Variants in JMJD1C observed in about 807,000 individuals in gnomAD.
JMJD1C encodes the protein jumonji domain-containing protein 1C.
A neutral mutation model predicts 245.3 loss-of-function variants in JMJD1C; 31 were observed. That is an observed-to-expected ratio of 0.13 (90% CI 0.09 to 0.17). The LOEUF (loss-of-function observed/expected upper bound fraction) is 0.17. Among genes scored for constraint, JMJD1C ranks in the 10% least tolerant of loss-of-function variants. JMJD1C has a pLI of 1.00. For missense variants in JMJD1C, 2,691 were observed against 3,000.2 expected, an observed-to-expected ratio of 0.90 and a Z score of 2.41; for synonymous variants, 1,057 against 1,017.4, an observed-to-expected ratio of 1.04 and a Z score of -0.74.
intron 1 of JMJD1C, 46 bp downstream of exon 1, chr10:63,465,449 C>A (rs971443270): frequency 5.2e-6 from 8 of 1,525,238 alleles, no homozygotes; most frequent in South Asian, 1.2e-5. Flanking sequence ...CTGCGAGAGC[C>A]GGGTGCGGGC....
At chr10:63,519,194 G>A (rs1215398711) in intron 1 of JMJD1C, among the ~76,000 whole-genome samples, 2 of 152,156 alleles carry the variant, frequency 1.3e-5, no homozygotes, top group African/African-American at 4.8e-5. Flanking sequence ...GATATAATAA[G>A]CATACAAAAT....
intron 3 of JMJD1C, among the ~76,000 whole-genome samples, chr10:63,251,218 T>C (rs957863398): frequency 3.9e-5 from 6 of 152,174 alleles, no homozygotes; most frequent in South Asian, 4.1e-4. Context: ...ATTCCATAAA[T>C]GGCAAATGGG....
intron 3 of JMJD1C, among the ~76,000 whole-genome samples, chr10:63,254,247 A>G (rs1290158616): frequency 6.6e-6 from 1 of 152,238 alleles, no homozygotes; most frequent in Non-Finnish European, 1.5e-5. Flanking sequence ...GCTGAAAAAA[A>G]AGAGACTAGA....
In JMJD1C at chr10:63,200,681, TA is replaced by T. The variant is rs779803861; in HGVS notation, c.5075-5del. The T allele has an allele frequency of 3.1e-6, 5 of 1,613,290 alleles. No individual in the cohort carries two copies. In the Admixed American group the frequency reaches 8.3e-5, roughly 27 times the overall value. ...AATACTGAACGAGGAATGCCAGCTG[TA>T]AAATCAGTAGGAAAGTTTTAGCAAG... is the stretch of plus-strand genomic sequence containing the variant. On this transcript the variant is annotated splice_polypyrimidine_tract_variant and splice_region_variant and intron_variant, in intron 10 of 25. Coordinates refer to ENST00000399262, the MANE Select transcript of JMJD1C (RefSeq NM_032776.3).
intron 1 of JMJD1C, among the ~76,000 whole-genome samples, chr10:63,481,430 A>ATT (rs936701042): frequency 2.0e-5 from 3 of 148,080 alleles, no homozygotes; most frequent in African/African-American, 2.5e-5. Flanking sequence ...TGAAAAACTG[A>ATT]TTTTTTTTTT....
At position 63,221,766 on chromosome 10, in the gene JMJD1C, G is replaced by A. The variant is rs541970683; in HGVS notation, c.448-1783C>T. ...GACGGAGTTTTGCTCTTGTTGCCCA[G>A]GCTGGAGTGCAATGGCACGATCTCG... On this transcript the variant is annotated intron_variant, in intron 3 of 25. Transcript: ENST00000399262. Among the ~76,000 whole-genome samples the A allele has an allele frequency of 1.1e-4, 16 of 152,328 alleles. No homozygotes were observed. The South Asian group carries it at 3.1e-3, about 30-fold the overall frequency.
At chr10:63,309,772 C>G (rs977741945) in intron 2 of JMJD1C, among the ~76,000 whole-genome samples, 1 of 152,046 alleles carries the variant, frequency 6.6e-6, no homozygotes, top group Non-Finnish European at 1.5e-5. Context: ...CAAAAATTAG[C>G]TGGGTGTGGT....
chr10:63,354,029 C>A (rs1199923184), intron 2 of JMJD1C, among the ~76,000 whole-genome samples: 1 of 151,952 alleles, frequency 6.6e-6, no homozygotes, highest in Admixed American at 6.6e-5. Flanking sequence ...TTAGTAAAGA[C>A]GGGGTTTCAC....
intron 1 of JMJD1C, among the ~76,000 whole-genome samples, chr10:63,507,665 A>AAAAAAAAAAAAAAAAAAAAAGG (rs1954764560): frequency 6.6e-6 from 1 of 150,828 alleles, no homozygotes; most frequent in African/African-American, 2.4e-5. Flanking sequence ...AAAAAAAAAC[A>AAAAAAAAAAAAAAAAAAAAAGG]GTGGCTGTGC....
chr10:63,342,941 G>C (rs912708675), intron 2 of JMJD1C, among the ~76,000 whole-genome samples: 3 of 152,030 alleles, frequency 2.0e-5, no homozygotes, highest in African/African-American at 7.3e-5. Flanking sequence ...TTTGTGTTTA[G>C]ACTTGGGTCA....
chr10:63,377,718 G>C (rs566347525), intron 2 of JMJD1C, among the ~76,000 whole-genome samples: 1 of 151,862 alleles, frequency 6.6e-6, no homozygotes, highest in South Asian at 2.1e-4. Context: ...CTGGGCGACA[G>C]AGCAAGACTC....
chr10:63,493,028 T>C (rs999095099), intron 1 of JMJD1C, among the ~76,000 whole-genome samples: 1 of 152,134 alleles, frequency 6.6e-6, no homozygotes, highest in Non-Finnish European at 1.5e-5. Context: ...AGAAGGATGA[T>C]TTTCAATTGC....
At chr10:63,267,299 T>C (rs970535500) in intron 2 of JMJD1C, among the ~76,000 whole-genome samples, 11 of 152,198 alleles carry the variant, frequency 7.2e-5, no homozygotes, top group African/African-American at 2.4e-4. Flanking sequence ...TGAAGTGATA[T>C]TAAAATACAC....
intron 1 of JMJD1C, among the ~76,000 whole-genome samples, chr10:63,510,628 G>GA (rs936316845): frequency 6.6e-6 from 1 of 152,106 alleles, no homozygotes; most frequent in African/African-American, 2.4e-5. Context: ...TTATCTTGGT[G>GA]AATGTTCCGT....
intron 2 of JMJD1C, among the ~76,000 whole-genome samples, chr10:63,373,833 G>A (rs1283339435): frequency 6.6e-6 from 1 of 152,020 alleles, no homozygotes; most frequent in African/African-American, 2.4e-5. Flanking sequence ...CCTTAAAGAA[G>A]CCAAATTTTA....
intron 1 of JMJD1C, among the ~76,000 whole-genome samples, chr10:63,411,770 G>A (rs1949498823): frequency 6.7e-6 from 1 of 150,276 alleles, no homozygotes; most frequent in African/African-American, 2.5e-5. Context: ...GCCCAGCTAA[G>A]TTTTTGTATT....
chr10:63,338,472 C>A (rs1943051225), intron 2 of JMJD1C, among the ~76,000 whole-genome samples: 1 of 151,408 alleles, frequency 6.6e-6, no homozygotes, highest in Non-Finnish European at 1.5e-5. Context: ...GTTGTTGTTG[C>A]CTGGCTGTTT....
chr10:63,475,938 G>A (rs1274063005), intron 1 of JMJD1C, among the ~76,000 whole-genome samples: 1 of 152,192 alleles, frequency 6.6e-6, no homozygotes, highest in Non-Finnish European at 1.5e-5. Context: ...GCTGGTAGCA[G>A]TGGCTCACAC....
chr10:63,352,272 G>A (rs12268211), intron 2 of JMJD1C, among the ~76,000 whole-genome samples: 20,819 of 152,066 alleles, frequency 0.14, 3,287 homozygotes, highest in African/African-American at 0.39. Flanking sequence ...AAAAATAAAA[G>A]ACTAATAGAC....
Sources: gnomAD v4.1 joint callset for allele counts (sites outside exome capture counted in the v4.1 genomes callset) on GRCh38, gnomAD v4.1.1 for gene constraint, MANE v1.5 for transcripts, NCBI Gene and HGNC (gene_info 2026-07-23, HGNC 2026-07-21) for gene names.